The following CD6 variants were observed in gnomAD, a reference collection of about 807,000 sequenced individuals.
CD6 encodes the protein CD6 molecule.
In CD6, 53 loss-of-function variants were observed where a neutral mutation model predicts 75.3. That is an observed-to-expected ratio of 0.70 (90% CI 0.56 to 0.88). CD6 has a LOEUF of 0.88. Ranked by LOEUF, CD6 falls within the 40% of genes least tolerant of loss-of-function variation. CD6 has a pLI of 0.00. For synonymous variants in CD6, 359 were observed against 381.5 expected (o/e 0.94, Z 0.69); for missense variants, 770 against 897.1 (o/e 0.86, Z 1.81).
At chr11:60,973,867 A>C (rs1857276277) in intron 1 of CD6, among the ~76,000 whole-genome samples, 1 of 152,194 alleles carries the variant, frequency 6.6e-6, no homozygotes, top group African/African-American at 2.4e-5. Flanking sequence ...TGGCCTCTCC[A>C]GGCAGGAGGA....
chr11:61,013,636 G>A (rs1859258279), intron 7 of CD6, 73 bp downstream of exon 7: 2 of 1,543,456 alleles, frequency 1.3e-6, no homozygotes, highest in Non-Finnish European at 1.8e-6. Context: ...AGCAGCAGTG[G>A]CGTGGTCCAG....
At chr11:61,013,326 A>T (rs1859238346) in intron 6 of CD6, 97 bp from the exon 7 acceptor site, 1 of 1,389,420 alleles carries the variant, frequency 7.2e-7, no homozygotes. Context: ...AGATAACATA[A>T]AAAGGGAAGC....
At chr11:60,980,405 A>T (rs1329108694) in intron 1 of CD6, among the ~76,000 whole-genome samples, 1 of 152,164 alleles carries the variant, frequency 6.6e-6, no homozygotes, top group Admixed American at 6.5e-5. Flanking sequence ...CGGGAGGCTG[A>T]GGCAGAGAAT....
intron 1 of CD6, among the ~76,000 whole-genome samples, chr11:60,974,989 T>C (rs997736023): frequency 6.6e-6 from 1 of 152,214 alleles, no homozygotes; most frequent in Non-Finnish European, 1.5e-5. Context: ...GTGCTCTGGC[T>C]GGCGAGGTCC....
intron 1 of CD6, among the ~76,000 whole-genome samples, chr11:60,990,600 C>T (rs2135069235): frequency 6.6e-6 from 1 of 152,134 alleles, no homozygotes; most frequent in African/African-American, 2.4e-5. Context: ...CGTATTTGCT[C>T]AGATCTATAT....
At chr11:61,008,900 A>G (rs1004508497) in intron 4 of CD6, 55 bp downstream of exon 4, 4 of 1,414,298 alleles carry the variant, frequency 2.8e-6, no homozygotes, top group Non-Finnish European at 3.7e-6. Flanking sequence ...CCATAGGCCT[A>G]CTGGGCGCCA....
At chr11:60,974,445 C>T (rs1857292546) in intron 1 of CD6, among the ~76,000 whole-genome samples, 1 of 152,224 alleles carries the variant, frequency 6.6e-6, no homozygotes, top group African/African-American at 2.4e-5. Flanking sequence ...CGTGGTTTCG[C>T]CACGTTGGCC....
At chr11:61,018,568 C>A in intron 12 of CD6, 175 bp downstream of exon 12, 1 of 593,762 alleles carries the variant, frequency 1.7e-6, no homozygotes, top group Non-Finnish European at 3.0e-6. Context: ...GTAGCTCAAG[C>A]CTGTAATCCC....
chr11:60,998,447 G>A (rs996442568), intron 1 of CD6, among the ~76,000 whole-genome samples: 4 of 152,122 alleles, frequency 2.6e-5, no homozygotes, highest in Admixed American at 6.5e-5. Flanking sequence ...GTGACAAAAC[G>A]GGGCCAGAAA....
intron 1 of CD6, among the ~76,000 whole-genome samples, chr11:60,986,710 A>G (rs1263906275): frequency 6.6e-6 from 1 of 152,204 alleles, no homozygotes; most frequent in African/African-American, 2.4e-5. Context: ...CCCCTAATCC[A>G]GAATGCCCTA....
intron 2 of CD6, 85 bp downstream of exon 2, chr11:61,006,727 A>G: frequency 8.8e-7 from 1 of 1,142,488 alleles, no homozygotes; most frequent in Non-Finnish European, 1.3e-6. Context: ...ATGGACATTT[A>G]GGATACCAGG....
At chr11:61,004,051 C>G (rs1198535497) in intron 1 of CD6, among the ~76,000 whole-genome samples, 1 of 152,226 alleles carries the variant, frequency 6.6e-6, no homozygotes, top group Non-Finnish European at 1.5e-5. Context: ...CAGCCATGGG[C>G]CCTGCCCTCT....
intron 1 of CD6, among the ~76,000 whole-genome samples, chr11:60,978,972 G>A (rs1590666592): frequency 1.3e-5 from 2 of 152,334 alleles, no homozygotes; most frequent in African/African-American, 4.8e-5. Context: ...GTGAATACAG[G>A]ACTCGGTGGT....
chr11:60,990,651 C>A (rs72924601), intron 1 of CD6, among the ~76,000 whole-genome samples: 1 of 152,174 alleles, frequency 6.6e-6, no homozygotes, highest in South Asian at 2.1e-4. Flanking sequence ...TGAAATAATT[C>A]TTATCCTTTC....
chr11:60,987,960 A>G (rs1279884543), intron 1 of CD6: 2 of 152,266 alleles, frequency 1.3e-5, no homozygotes, highest in African/African-American at 4.8e-5. Flanking sequence ...AATGAGTGGC[A>G]TCTCCCTGAC....
intron 10 of CD6, 25 bp from the exon 11 acceptor site, chr11:61,017,734 C>A: frequency 6.2e-7 from 1 of 1,613,434 alleles, no homozygotes; most frequent in Non-Finnish European, 8.5e-7. Context: ...CTTCTTTCGT[C>A]ACCATTCTCC....
At chr11:61,005,755 A>C (rs1237495436) in intron 1 of CD6, among the ~76,000 whole-genome samples, 1 of 152,168 alleles carries the variant, frequency 6.6e-6, no homozygotes, top group Non-Finnish European at 1.5e-5. Context: ...AACATGGAGA[A>C]ACCCCGTCTC....
In CD6 at chr11:60,971,788, CG is replaced by C; in HGVS notation, c.-76del. The C allele has an allele frequency of 7.0e-7, 1 of 1,438,394 alleles. No individual in the cohort carries two copies. Among genetic ancestry groups the C allele is most frequent in the Non-Finnish European group, 9.7e-7 (1 of 1,031,832 alleles). The allele number at this position is 1,438,394 out of a possible 1,614,324, so 89.1% of individuals were successfully genotyped here. A position where few individuals can be genotyped will look rare whatever the true frequency, so the allele number is the denominator to read the frequency against. On this transcript the variant is annotated 5_prime_UTR_variant, in exon 1 of 13. An upstream open reading frame in the 5' UTR gains an earlier in-frame stop. Coordinates refer to ENST00000313421, the MANE Select transcript of CD6 (RefSeq NM_006725.5). ...GCAGACCTGCGCCAGGGGCGCACAA[CG>C]GCCGTGTCCACCTCCCGGCCCCAAG...
rs368092254 is a variant in CD6, at chr11:60,974,566, T to C, written c.49+2652T>C. 3.7e-4 allele frequency among the ~76,000 whole-genome samples: 57 copies of C among 152,302 alleles called. 1 individual carries two copies. The South Asian group carries it at 0.01, about 27-fold the overall frequency. Reference sequence around the variant, plus strand: ...AGCCTCCTTCTTCCCTTTCTAACCCTAGCACGAGGCCCTATCTCCTGGGCC... The same window carrying C: ...AGCCTCCTTCTTCCCTTTCTAACCCCAGCACGAGGCCCTATCTCCTGGGCC... On this transcript the variant is annotated intron_variant, in intron 1 of 12. Transcript: ENST00000313421.
Sources: gnomAD v4.1 joint callset for allele counts (sites outside exome capture counted in the v4.1 genomes callset) on GRCh38, gnomAD v4.1.1 for gene constraint, MANE v1.5 for transcripts, NCBI Gene and HGNC (gene_info 2026-07-23, HGNC 2026-07-21) for gene names.